Variants in C8orf34 observed in about 807,000 individuals in gnomAD.
C8orf34 encodes uncharacterized protein C8orf34.
A neutral mutation model predicts 68.3 loss-of-function variants in C8orf34; 65 were observed. That is an observed-to-expected ratio of 0.95 (90% CI 0.78 to 1.17). C8orf34 has a LOEUF of 1.17. Ranked by LOEUF, C8orf34 falls within the 50% of genes most tolerant of loss-of-function variation. The pLI is 0.00. For synonymous variants in C8orf34, 244 were observed against 241.2 expected (o/e 1.01, Z -0.11); for missense variants, 664 against 655.4 (o/e 1.01, Z -0.14).
chr8:68,420,025 A>T (rs977018499), intron 1 of C8orf34, among the ~76,000 whole-genome samples: 23 of 151,776 alleles, frequency 1.5e-4, no homozygotes, highest in Middle Eastern at 3.4e-3. Flanking sequence ...AAAAGAAATT[A>T]TCTGAGAGCT....
chr8:68,428,580 G>A (rs1586121375), intron 1 of C8orf34, among the ~76,000 whole-genome samples: 1 of 151,198 alleles, frequency 6.6e-6, no homozygotes, highest in East Asian at 1.9e-4. Context: ...ACTAATGAGA[G>A]AAAACAGAAA....
intron 7 of C8orf34, among the ~76,000 whole-genome samples, chr8:68,544,665 G>A (rs1815812004): frequency 6.6e-6 from 1 of 152,028 alleles, no homozygotes; most frequent in Admixed American, 6.6e-5. Flanking sequence ...AGAACATAAG[G>A]AGTAAATAGA....
intron 1 of C8orf34, among the ~76,000 whole-genome samples, chr8:68,345,604 G>T (rs1806246886): frequency 6.6e-6 from 1 of 151,744 alleles, no homozygotes; most frequent in Admixed American, 6.6e-5. Context: ...TTCCTTTCAG[G>T]AGTACACCTA....
intron 8 of C8orf34, among the ~76,000 whole-genome samples, chr8:68,705,315 GGAGGGCCTTGGATAGAGCT>G (rs1821131470): frequency 6.6e-6 from 1 of 152,120 alleles, no homozygotes; most frequent in African/African-American, 2.4e-5. Flanking sequence ...AATGGGAAAA[GGAGGGCCTTGGATAGAGCT>G]GAGGGAAAAT....
intron 7 of C8orf34, chr8:68,533,934 C>T (rs1038972304): frequency 4.7e-6 from 4 of 852,836 alleles, no homozygotes; most frequent in Non-Finnish European, 4.2e-6. Context: ...TACTTTATAA[C>T]AATATGCTGT....
chr8:68,811,573 C>T (rs186168794), intron 12 of C8orf34, among the ~76,000 whole-genome samples: 2 of 152,330 alleles, frequency 1.3e-5, no homozygotes, highest in African/African-American at 4.8e-5. Context: ...AGATGGTCCA[C>T]TGCTGCAATC....
intron 1 of C8orf34, among the ~76,000 whole-genome samples, chr8:68,333,808 A>G (rs1231838288): frequency 2.0e-5 from 3 of 152,152 alleles, no homozygotes; most frequent in Non-Finnish European, 2.9e-5. Context: ...ACCACTCACA[A>G]ATTGAAATTG....
At chr8:68,493,790 C>A (rs1200715540) in intron 5 of C8orf34, among the ~76,000 whole-genome samples, 1 of 152,128 alleles carries the variant, frequency 6.6e-6, no homozygotes, top group Non-Finnish European at 1.5e-5. Context: ...TGCTTCCTCT[C>A]CACCATGTGA....
rs1393746916 is a variant in C8orf34 at position 68,331,142 on chromosome 8, C to T, written c.130C>T (p.His44Tyr). 1.3e-6 allele frequency: 2 copies of T among 1,522,300 alleles called. No homozygotes were observed. The highest frequency in any genetic ancestry group is 1.4e-5 in the African/African-American group (1 of 72,138). 94.3% of individuals were successfully genotyped at this position (1,522,300 alleles called of 1,614,324 possible). A position where few individuals can be genotyped will look rare whatever the true frequency, so the allele number is the denominator to read the frequency against. ...THARGRGRAS[H>Y]AGQPRLRSSC... ...CGCCCGCGGCCGGGGCCGAGCCAGC[C>T]ACGCAGGGCAGCCGAGGCTCCGGAG... Residue 44 changes from histidine (H) to tyrosine (Y), a missense_variant, in exon 1 of 14, where the codon CAC becomes TAC. Coordinates refer to ENST00000518698, the MANE Select transcript of C8orf34 (RefSeq NM_052958.4).
At chr8:68,748,507 C>T (rs1822584732) in intron 10 of C8orf34, among the ~76,000 whole-genome samples, 1 of 151,690 alleles carries the variant, frequency 6.6e-6, no homozygotes. Context: ...GGCTAATATC[C>T]AGAATCTACA....
intron 1 of C8orf34, among the ~76,000 whole-genome samples, chr8:68,372,633 G>A (rs1563385783): frequency 6.6e-6 from 1 of 152,098 alleles, no homozygotes; most frequent in African/African-American, 2.4e-5. Context: ...TTAAGTTCTG[G>A]GATACATGTG....
intron 8 of C8orf34, among the ~76,000 whole-genome samples, chr8:68,693,946 G>C (rs1307107520): frequency 6.6e-6 from 1 of 152,066 alleles, no homozygotes; most frequent in Non-Finnish European, 1.5e-5. Context: ...AAAAAGGGTG[G>C]AGGAATATTG....
intron 12 of C8orf34, among the ~76,000 whole-genome samples, chr8:68,812,785 A>T (rs1272260110): frequency 6.6e-6 from 1 of 152,184 alleles, no homozygotes; most frequent in African/African-American, 2.4e-5. Flanking sequence ...TAACTTTTAA[A>T]GATCACTTGA....
At chr8:68,670,379 A>G (rs1819970447) in intron 8 of C8orf34, among the ~76,000 whole-genome samples, 1 of 152,224 alleles carries the variant, frequency 6.6e-6, no homozygotes, top group African/African-American at 2.4e-5. Flanking sequence ...TAGGAATTTC[A>G]TCAAATAACC....
At chr8:68,465,446 A>C (rs1812073658) in intron 3 of C8orf34, among the ~76,000 whole-genome samples, 1 of 151,380 alleles carries the variant, frequency 6.6e-6, no homozygotes, top group African/African-American at 2.4e-5. Context: ...CCATCCCATT[A>C]CTGGGTATAT....
chr8:68,745,806 A>T (rs1473443435), intron 10 of C8orf34, among the ~76,000 whole-genome samples: 1 of 152,080 alleles, frequency 6.6e-6, no homozygotes, highest in Admixed American at 6.6e-5. Flanking sequence ...ACACCCCACT[A>T]TCAACATTAG....
intron 1 of C8orf34, among the ~76,000 whole-genome samples, chr8:68,332,821 A>G (rs1805686201): frequency 6.6e-6 from 1 of 152,194 alleles, no homozygotes; most frequent in Non-Finnish European, 1.5e-5. Flanking sequence ...CAAAAATGTT[A>G]ACAAAGGCAA....
intron 1 of C8orf34, among the ~76,000 whole-genome samples, chr8:68,337,018 T>C (rs1429350616): frequency 1.3e-5 from 2 of 152,200 alleles, no homozygotes; most frequent in African/African-American, 4.8e-5. Flanking sequence ...CTTTACCTTA[T>C]AGTAGAATGC....
At chr8:68,602,242 G>A (rs1817719896) in intron 7 of C8orf34, among the ~76,000 whole-genome samples, 1 of 152,116 alleles carries the variant, frequency 6.6e-6, no homozygotes, top group Non-Finnish European at 1.5e-5. Flanking sequence ...TATCGATGGG[G>A]GTGGAGGTTC....
Sources: gnomAD v4.1 joint callset for allele counts (sites outside exome capture counted in the v4.1 genomes callset) on GRCh38, gnomAD v4.1.1 for gene constraint, MANE v1.5 for transcripts, NCBI Gene and HGNC (gene_info 2026-07-23, HGNC 2026-07-21) for gene names.